ITGB5: variants seen among roughly 807,000 people sequenced by gnomAD.
The protein encoded by ITGB5 is integrin subunit beta 5.
Under a neutral mutation model 84.8 loss-of-function variants are expected in ITGB5, and 38 were observed. The observed-to-expected ratio is 0.45, with a 90% CI of 0.35 to 0.59. The LOEUF (loss-of-function observed/expected upper bound fraction) is 0.59. Ranked by LOEUF, ITGB5 falls within the 20% of genes least tolerant of loss-of-function variation. ITGB5 has a pLI of 0.01. For missense variants in ITGB5, 905 were observed against 1,034.5 expected, an observed-to-expected ratio of 0.87 and a Z score of 1.72; for synonymous variants, 393 against 414.4, an observed-to-expected ratio of 0.95 and a Z score of 0.63.
chr3:124,810,418 A>G (rs911101602), intron 8 of ITGB5, among the ~76,000 whole-genome samples: 1 of 152,128 alleles, frequency 6.6e-6, no homozygotes, highest in Admixed American at 6.5e-5. Context: ...TTAATTTGTG[A>G]AAAGTGTGTG....
At chr3:124,803,353 C>T (rs11705935) in intron 9 of ITGB5, among the ~76,000 whole-genome samples, 3 of 152,126 alleles carry the variant, frequency 2.0e-5, no homozygotes, top group South Asian at 2.1e-4. Context: ...TGGCACGCTT[C>T]TCAGGCCCCA....
intron 12 of ITGB5, among the ~76,000 whole-genome samples, chr3:124,767,080 C>A (rs1307740236): frequency 6.6e-6 from 1 of 152,244 alleles, no homozygotes; most frequent in Non-Finnish European, 1.5e-5. Flanking sequence ...CATTCCAAGG[C>A]TTCCCTGGGA....
chr3:124,785,438 A>C (rs2002238), intron 10 of ITGB5, among the ~76,000 whole-genome samples: 35,526 of 151,882 alleles, frequency 0.23, 4,636 homozygotes, highest in African/African-American at 0.31. Context: ...ACAAAAAATT[A>C]GCCAGGTGTG....
chr3:124,827,616 C>A (rs1008606748), intron 5 of ITGB5, among the ~76,000 whole-genome samples: 2 of 152,170 alleles, frequency 1.3e-5, no homozygotes, highest in Non-Finnish European at 2.9e-5. Flanking sequence ...AACCCTCACG[C>A]CCTGCTGGTA....
At chr3:124,819,880 T>C in intron 6 of ITGB5, 46 bp from the exon 7 acceptor site, 3 of 1,353,458 alleles carry the variant, frequency 2.2e-6, no homozygotes, top group South Asian at 1.2e-5. Context: ...CTAACAGGTG[T>C]AGATACCAGC....
chr3:124,894,134 C>CTTTTTTTTTTTTTTTTTTTTT lies in ITGB5; in HGVS notation c.-255+7131_-255+7132insAAAAAAAAAAAAAAAAAAAAA, dbSNP rs748784158. On this transcript the variant is annotated intron_variant, in intron 1 of 4. Transcript: ENST00000608657. ...TTATAGTAAAAGTTGTGATATTTTT[C>CTTTTTTTTTTTTTTTTTTTTT]TTTTTTTTTTTTTTTTTTGAGACAG... 3.8e-5 allele frequency among the ~76,000 whole-genome samples: 4 copies of CTTTTTTTTTTTTTTTTTTTTT among 104,354 alleles called. 1 individual carries two copies. Among genetic ancestry groups the CTTTTTTTTTTTTTTTTTTTTT allele is most frequent in the Non-Finnish European group, 7.3e-5 (4 of 55,040 alleles). 68.5% of individuals were successfully genotyped at this position (104,354 alleles called of 152,430 possible).
At chr3:124,841,611 G>A in intron 4 of ITGB5, 60 bp from the exon 5 acceptor site, 1 of 1,559,032 alleles carries the variant, frequency 6.4e-7, no homozygotes, top group Non-Finnish European at 8.8e-7. Context: ...TTAACCAAGT[G>A]TTCTGAGCAT....
At chr3:124,879,724 C>T (rs952912069) in intron 1 of ITGB5, among the ~76,000 whole-genome samples, 10 of 152,122 alleles carry the variant, frequency 6.6e-5, no homozygotes, top group Admixed American at 2.0e-4. Context: ...CCCAATACAT[C>T]GCTAAGTTAA....
At chr3:124,795,611 G>A (rs1258087028) in intron 10 of ITGB5, among the ~76,000 whole-genome samples, 2 of 152,188 alleles carry the variant, frequency 1.3e-5, no homozygotes, top group African/African-American at 4.8e-5. Context: ...GCAGATGTGA[G>A]TAAGCTGAGG....
In ITGB5 at chr3:124,763,055, A is replaced by G. The variant is rs530098716; in HGVS notation, c.*568T>C. ...TAAACAAACACGGACAGGAGAGGAA[A>G]CTGACATTTGCAAACGATGTACCTT... On this transcript the variant is annotated 3_prime_UTR_variant, in exon 15 of 15. Coordinates refer to ENST00000296181, the MANE Select transcript of ITGB5 (RefSeq NM_002213.5). 9.8e-5 allele frequency: 15 copies of G among 152,450 alleles called. No homozygotes were observed. Among genetic ancestry groups the G allele is most frequent in the African/African-American group, 3.4e-4 (14 of 41,592 alleles). 9.4% of individuals were successfully genotyped at this position (152,450 alleles called of 1,614,324 possible).
chr3:124,892,827 T>C (rs1486255731), intron 1 of ITGB5, among the ~76,000 whole-genome samples: 1 of 151,978 alleles, frequency 6.6e-6, no homozygotes, highest in Non-Finnish European at 1.5e-5. Context: ...ATTTACCAAC[T>C]CCCAAAGTGA....
At chr3:124,838,746 C>CAT in intron 5 of ITGB5, among the ~76,000 whole-genome samples, 1 of 152,154 alleles carries the variant, frequency 6.6e-6, no homozygotes, top group South Asian at 2.1e-4. Context: ...GGACTACAGG[C>CAT]GCCTGCCACC....
chr3:124,883,263 G>A lies in ITGB5; in HGVS notation c.70+3668C>T, dbSNP rs143131451. 3.5e-3 allele frequency among the ~76,000 whole-genome samples: 531 copies of A among 152,252 alleles called. 6 individuals are homozygous for A. The highest frequency in any genetic ancestry group is 0.011 in the African/African-American group (466 of 41,542). On this transcript the variant is annotated intron_variant, in intron 1 of 14. Coordinates refer to ENST00000296181, the MANE Select transcript of ITGB5 (RefSeq NM_002213.5). ...TTACCAGGCCACGCAGGCACAAAAGGCCTTTTGCCAAACTACTTAGATATT... is the reference window on the plus strand; with the variant it reads ...TTACCAGGCCACGCAGGCACAAAAGACCTTTTGCCAAACTACTTAGATATT...
At chr3:124,858,709 A>C (rs1448145224) in intron 3 of ITGB5, among the ~76,000 whole-genome samples, 1 of 152,234 alleles carries the variant, frequency 6.6e-6, no homozygotes, top group Non-Finnish European at 1.5e-5. Context: ...GTCGGAAAGT[A>C]GAGTAGGCAG....
Position 124,848,302 on chromosome 3 carries a change from C to A in ITGB5, c.611+7G>T, listed in dbSNP as rs1298294761. 15 of 1,613,236 alleles carry A rather than the reference C, an allele frequency of 9.3e-6. No homozygotes were observed. The highest frequency in any genetic ancestry group is 1.3e-5 in the Non-Finnish European group (15 of 1,179,288). On this transcript the variant is annotated splice_region_variant and intron_variant, in intron 4 of 14. Coordinates refer to ENST00000296181, the MANE Select transcript of ITGB5 (RefSeq NM_002213.5). ...AGTACCCAACAGAAGGGCAACTGGT[C>A]ACTTACCCAATGCACGGATTGGTCT... is the stretch of plus-strand genomic sequence containing the variant.
At chr3:124,814,021 ACT>A (rs1308242538) in intron 8 of ITGB5, among the ~76,000 whole-genome samples, 6 of 152,032 alleles carry the variant, frequency 3.9e-5, no homozygotes, top group Admixed American at 2.0e-4. Context: ...GGTCTTGGAA[ACT>A]CTGTGTCGGG....
intron 5 of ITGB5, among the ~76,000 whole-genome samples, chr3:124,831,652 T>C (rs998730767): frequency 6.6e-6 from 1 of 152,182 alleles, no homozygotes; most frequent in East Asian, 1.9e-4. Context: ...GGAATAAAGA[T>C]GCCATCCCAG....
intron 7 of ITGB5, among the ~76,000 whole-genome samples, chr3:124,818,680 A>C (rs2064649265): frequency 6.6e-6 from 1 of 152,024 alleles, no homozygotes; most frequent in Non-Finnish European, 1.5e-5. Context: ...CGCCCTGAAT[A>C]GGCTTTATCC....
rs767153232 is a variant in ITGB5 at position 124,764,545 on chromosome 3, G to C, written c.2150C>G (p.Thr717Ser). The change falls in exon 14 of 15, where the codon ACC becomes AGC. Residue 717 changes from threonine (T) to serine (S), a missense_variant. Physicochemically the swap from Thr to Ser is moderately conservative, Grantham distance 58. Around this residue, in one of 3 missense-constraint regions of ITGB5, gnomAD observed 133 missense variants for 122.8 expected, o/e 1.08. Transcript: ENST00000296181. The stretch of plus-strand genomic sequence containing the variant: ...CAGGAGGATGGTCATGGCGTTGGGG[G>C]TGTTTCCACACTCTGGGGGGACCAG... ...TVLREPECGN[T>S]PNAMTILLAV... 7.4e-6 allele frequency: 12 copies of C among 1,611,834 alleles called. No individual in the cohort carries two copies. The East Asian group carries it at 2.7e-4, about 36-fold the overall frequency.
Sources: allele counts gnomAD v4.1 joint callset (sites outside exome capture counted in the v4.1 genomes callset), GRCh38; gene constraint gnomAD v4.1.1; regional missense constraint gnomAD v4.1.1; transcripts MANE v1.5; gene names NCBI Gene and HGNC (gene_info 2026-07-23, HGNC 2026-07-21).